F2: variants seen among roughly 807,000 people sequenced by gnomAD.
F2 encodes the protein coagulation factor II, thrombin, also known as prothrombin.
A neutral mutation model predicts 81.9 loss-of-function variants in F2; 34 were observed. The observed-to-expected ratio is 0.42, with a 90% CI of 0.32 to 0.55. F2 has a LOEUF of 0.55. Ranked by LOEUF, F2 falls within the 20% of genes least tolerant of loss-of-function variation. F2 has a pLI of 0.18. For synonymous variants in F2, 296 were observed against 326.4 expected (o/e 0.91, Z 1.01); for missense variants, 630 against 833.4 (o/e 0.76, Z 3.00).
rs915082323 is a variant in F2 at position 46,723,684 on chromosome 11, G to T, written c.559+166G>T. ...GGCAGGCAGATCACCTGAGGTCAGG[G>T]GTTTGAGACCAGCTGGGCCAACATG... is the stretch of plus-strand genomic sequence containing the variant. On this transcript the variant is annotated intron_variant, in intron 6 of 13. Transcript: ENST00000311907. The surrounding 1 kb of genome is among the most constrained non-coding windows in gnomAD (Gnocchi z 5.6). 6.6e-6 allele frequency among the ~76,000 whole-genome samples: 1 copy of T among 152,126 alleles called. No homozygotes were observed. The highest frequency in any genetic ancestry group is 2.4e-5 in the African/African-American group (1 of 41,440).
intron 12 of F2, among the ~76,000 whole-genome samples, chr11:46,732,940 CT>C (rs1355453399): frequency 6.6e-6 from 1 of 152,144 alleles, no homozygotes; most frequent in Non-Finnish European, 1.5e-5. Context: ...GAACTGAGAT[CT>C]GGGTGCTGGC....
In F2 at chr11:46,726,820, G is replaced by A. The variant is rs375038453; in HGVS notation, c.1113G>A (p.Glu371=). The A allele has an allele frequency of 6.2e-7, 1 of 1,614,138 alleles. No homozygotes were observed. ...GCATTGTGGAGGGCTCGGATGCAGA[G>A]ATCGGCATGTCACCTTGGTGTGTCC... ...DGRIVEGSDA[E]IGMSPWQVML... Residue 371 remains glutamate, a synonymous_variant, in exon 9 of 14, where the codon GAG becomes GAA. Transcript: ENST00000311907. This position sits in a 1 kb window ranked among gnomAD's most constrained non-coding sequence, Gnocchi z 5.9.
intron 12 of F2, among the ~76,000 whole-genome samples, chr11:46,734,356 T>C (rs1301550827): frequency 6.6e-6 from 1 of 152,186 alleles, no homozygotes; most frequent in Non-Finnish European, 1.5e-5. Context: ...TTCGTATTTA[T>C]ATTAGGCCTT....
intron 9 of F2, among the ~76,000 whole-genome samples, chr11:46,727,554 G>C (rs1037503600): frequency 6.6e-6 from 1 of 152,200 alleles, no homozygotes; most frequent in Admixed American, 6.5e-5. Flanking sequence ...AAGACAGGAA[G>C]ATCACTTGAG....
intron 12 of F2, among the ~76,000 whole-genome samples, chr11:46,731,408 T>C (rs3136482): frequency 0.066 from 9,969 of 151,842 alleles, 370 homozygotes; most frequent in Non-Finnish European, 0.089. Context: ...CTTGAACTCC[T>C]GACCTCGGGT....
chr11:46,720,442 T>C (rs1295774301), intron 2 of F2, 81 bp from the exon 3 acceptor site: 16 of 1,516,612 alleles, frequency 1.1e-5, no homozygotes, highest in Non-Finnish European at 1.4e-5. Flanking sequence ...TAAAGGAAAG[T>C]GTGAGGAGGA....
At chr11:46,727,954 C>G in intron 9 of F2, 42 bp from the exon 10 acceptor site, 1 of 1,578,140 alleles carries the variant, frequency 6.3e-7, no homozygotes, top group Non-Finnish European at 8.6e-7. Context: ...AGAGGCAGCC[C>G]CCTCATCCTC....
chr11:46,737,846 T>A (rs1161523871), intron 12 of F2, among the ~76,000 whole-genome samples: 1 of 151,762 alleles, frequency 6.6e-6, no homozygotes, highest in Non-Finnish European at 1.5e-5. Context: ...TAGCTTTTTT[T>A]TTTTTCAGAT....
Position 46,720,544 on chromosome 11 carries a change from A to T in F2, c.262A>T (p.Thr88Ser), listed in dbSNP as rs756683451. ...TCAGGATGTGTTCTGGGCCAAGTAC[A>T]CAGGTGAGCACCGGGAAGGATTTGC... ...TATDVFWAKY[T>S]ACETARTPRD... is the part of the protein sequence containing the mutation. Residue 88 changes from threonine to serine, a missense_variant, in exon 3 of 14, where the codon ACA becomes TCA. Coordinates refer to ENST00000311907, the MANE Select transcript of F2 (RefSeq NM_000506.5). The T allele has an allele frequency of 6.2e-7, 1 of 1,614,054 alleles. No homozygotes were observed. Among genetic ancestry groups the T allele is most frequent in the Admixed American group, 1.7e-5 (1 of 60,006 alleles).
chr11:46,727,828 T>C (rs2064884634), intron 9 of F2, among the ~76,000 whole-genome samples, 168 bp from the exon 10 acceptor site: 1 of 152,078 alleles, frequency 6.6e-6, no homozygotes, highest in Non-Finnish European at 1.5e-5. Context: ...CCCCTCAGCA[T>C]CACACGGAGG....
chr11:46,722,365 C>T (rs1036592484), intron 4 of F2, among the ~76,000 whole-genome samples: 7 of 151,784 alleles, frequency 4.6e-5, no homozygotes, highest in Non-Finnish European at 2.9e-5. Context: ...CTGAGGTGGG[C>T]GCCCAGGCCA....
In F2 at chr11:46,728,951, G is replaced by T; in HGVS notation, c.1472+114G>T. 1 of 1,109,976 alleles carries T rather than the reference G, an allele frequency of 9.0e-7. No individual in the cohort carries two copies. The allele number at this position is 1,109,976 out of a possible 1,614,324, so 68.8% of individuals were successfully genotyped here. ...CCCTTTTCCAGGCCTCGGTTTCTTG[G>T]AGTGAACCCAAAAGTTCTTTTCAGT... On this transcript the variant is annotated intron_variant, in intron 11 of 13. Coordinates refer to ENST00000311907, the MANE Select transcript of F2 (RefSeq NM_000506.5). The surrounding 1 kb of genome is among the most constrained non-coding windows in gnomAD (Gnocchi z 5.1).
rs1401529284 is a variant in F2 at position 46,739,276 on chromosome 11, C to G, written c.1737C>G (p.Asn579Lys). 6.2e-7 allele frequency: 1 copy of G among 1,614,032 alleles called. No homozygotes were observed. The highest frequency in any genetic ancestry group is 8.5e-7 in the Non-Finnish European group (1 of 1,180,038). ...GGPFVMKSPF[N>K]NRWYQMGIVS... ...TCTTTCTTCTTCAGAGCCCCTTTAA[C>G]AACCGCTGGTATCAAATGGGCATCG... Residue 579 changes from asparagine to lysine, a missense_variant, in exon 14 of 14, where the codon AAC (asparagine) becomes AAG (lysine). Asn to Lys is a moderately conservative substitution (Grantham distance 94). Transcript: ENST00000311907.
intron 12 of F2, among the ~76,000 whole-genome samples, chr11:46,736,236 A>T (rs1479864136): frequency 1.3e-5 from 2 of 152,124 alleles, no homozygotes; most frequent in African/African-American, 4.8e-5. Context: ...TCTTTGAACT[A>T]GTGATTTGAG....
intron 9 of F2, among the ~76,000 whole-genome samples, chr11:46,727,499 C>T (rs1592413795): frequency 6.6e-6 from 1 of 152,080 alleles, no homozygotes; most frequent in African/African-American, 2.4e-5. Flanking sequence ...GGAGGCAGGT[C>T]AGGTGCAGTG....
rs773965424 is a variant in F2 at position 46,726,169 on chromosome 11, T to C, written c.870T>C (p.Tyr290=). The change falls in exon 7 of 14, where the codon TAT becomes TAC. Residue 290 remains tyrosine (Y), a synonymous_variant. Coordinates refer to ENST00000311907, the MANE Select transcript of F2 (RefSeq NM_000506.5). The surrounding 1 kb of genome is among the most constrained non-coding windows in gnomAD (Gnocchi z 5.9). ...PGDFGYCDLN[Y]CEEAVEEETG... is the part of the protein sequence containing the mutation. The stretch of plus-strand genomic sequence containing the variant: ...ACTTTGGGTACTGCGACCTCAACTA[T>C]TGTGGTGAGCTGCCTGGGTAGGGGG... 3.1e-6 allele frequency: 5 copies of C among 1,613,492 alleles called. No homozygotes were observed. In the Admixed American group the frequency reaches 6.7e-5, roughly 22 times the overall value.
At chr11:46,729,270 G>C in intron 11 of F2, 110 bp from the exon 12 acceptor site, 1 of 1,265,250 alleles carries the variant, frequency 7.9e-7, no homozygotes. Context: ...GTGAACGTCT[G>C]TGCCCAGCCA....
At chr11:46,720,432 T>G (rs375933055) in intron 2 of F2, 91 bp from the exon 3 acceptor site, 2 of 1,467,998 alleles carry the variant, frequency 1.4e-6, no homozygotes, top group South Asian at 1.1e-5. Flanking sequence ...GTGACCAGGG[T>G]AAAGGAAAGT....
In F2 at chr11:46,723,347, C is replaced by G. The variant is rs766846953; in HGVS notation, c.423-35C>G. On this transcript the variant is annotated intron_variant, in intron 5 of 13. Coordinates refer to ENST00000311907, the MANE Select transcript of F2 (RefSeq NM_000506.5). This position sits in a 1 kb window ranked among gnomAD's most constrained non-coding sequence, Gnocchi z 5.6. ...AACAGGGAGCAAGCGTACCTCAAGC[C>G]CAACAGCCTCCTGTTGGGCAATTTC... 6.2e-7 allele frequency: 1 copy of G among 1,613,540 alleles called. No homozygotes were observed. The highest frequency in any genetic ancestry group is 1.1e-5 in the South Asian group (1 of 91,070).
Sources: gnomAD v4.1 joint callset for allele counts (sites outside exome capture counted in the v4.1 genomes callset) on GRCh38, gnomAD v4.1.1 for gene constraint, Gnocchi (gnomAD v3.1) non-coding constraint, MANE v1.5 for transcripts, NCBI Gene and HGNC (gene_info 2026-07-23, HGNC 2026-07-21) for gene names.